The following ZMIZ1 variants were observed in gnomAD, a reference collection of about 807,000 sequenced individuals.
The protein encoded by ZMIZ1 is zinc finger MIZ domain-containing protein 1.
In ZMIZ1, 17 loss-of-function variants were observed where a neutral mutation model predicts 113.9. The observed-to-expected ratio is 0.15, with a 90% CI of 0.10 to 0.22. ZMIZ1 has a LOEUF of 0.22. Among genes scored for constraint, ZMIZ1 ranks in the 10% least tolerant of loss-of-function variants. The pLI is 1.00. For missense variants in ZMIZ1, 1,059 were observed against 1,477.8 expected (o/e 0.72, Z 4.65); for synonymous variants, 607 against 603.1 (o/e 1.01, Z -0.09).
intron 4 of ZMIZ1, among the ~76,000 whole-genome samples, chr10:79,179,792 C>G (rs761380717): frequency 1.3e-5 from 2 of 152,274 alleles, no homozygotes; most frequent in African/African-American, 2.4e-5. Flanking sequence ...GCCATGGCAA[C>G]AGCCATCTCA....
intron 1 of ZMIZ1, among the ~76,000 whole-genome samples, chr10:79,114,042 G>C (rs1269243222): frequency 1.3e-5 from 2 of 152,188 alleles, no homozygotes. Context: ...TTGCCTGCCG[G>C]ACTCCTACCC....
intron 1 of ZMIZ1, among the ~76,000 whole-genome samples, chr10:79,089,014 C>T (rs1487456573): frequency 6.6e-6 from 1 of 152,252 alleles, no homozygotes; most frequent in Admixed American, 6.5e-5. Flanking sequence ...CTACTCCCTA[C>T]GTGAGGCCAC....
At chr10:79,189,046 T>C (rs1847479594) in intron 4 of ZMIZ1, among the ~76,000 whole-genome samples, 1 of 152,162 alleles carries the variant, frequency 6.6e-6, no homozygotes, top group African/African-American at 2.4e-5. Context: ...TCTCCTGTCT[T>C]TATTAGAGAT....
intron 3 of ZMIZ1, among the ~76,000 whole-genome samples, chr10:79,142,139 A>G (rs1589327710): frequency 1.3e-5 from 2 of 152,146 alleles, no homozygotes; most frequent in South Asian, 2.1e-4. Flanking sequence ...GCCAGGGACA[A>G]TGGCCGGGGA....
chr10:79,182,393 G>T (rs183411188), intron 4 of ZMIZ1, among the ~76,000 whole-genome samples: 23 of 152,190 alleles, frequency 1.5e-4, no homozygotes, highest in Admixed American at 6.5e-4. Flanking sequence ...CTGGGTGACT[G>T]CAGACCCCCG....
chr10:79,116,642 G>A (rs1251699857), intron 1 of ZMIZ1, among the ~76,000 whole-genome samples: 1 of 152,150 alleles, frequency 6.6e-6, no homozygotes, highest in Non-Finnish European at 1.5e-5. Flanking sequence ...TGATTCAGTT[G>A]GGTGGAAAGC....
intron 7 of ZMIZ1, 76 bp downstream of exon 7, chr10:79,216,350 C>A: frequency 2.3e-6 from 3 of 1,302,426 alleles, no homozygotes; most frequent in African/African-American, 1.5e-5. Flanking sequence ...TGCCTGTTTG[C>A]TGCCCCTGCC....
In ZMIZ1 at chr10:79,113,666, C is replaced by G. The variant is rs144437566; in HGVS notation, c.-336-5249C>G. ...ATTCTATTCCCTTTTTCTAGAATGCCCTTTCCAACTCGTTGTCTGTGTGAT... is the reference window on the plus strand; with the variant it reads ...ATTCTATTCCCTTTTTCTAGAATGCGCTTTCCAACTCGTTGTCTGTGTGAT... On this transcript the variant is annotated intron_variant, in intron 1 of 24. Transcript: ENST00000334512. Among the ~76,000 whole-genome samples the G allele has an allele frequency of 2.6e-3, 400 of 152,296 alleles. 2 individuals carry two copies. Among genetic ancestry groups the G allele is most frequent in the African/African-American group, 9.2e-3 (383 of 41,552 alleles).
intron 2 of ZMIZ1, among the ~76,000 whole-genome samples, chr10:79,139,450 CTTATAT>C (rs557579487): frequency 7.1e-4 from 108 of 152,318 alleles, no homozygotes; most frequent in Admixed American, 3.1e-3. Flanking sequence ...AGAAACAAAA[CTTATAT>C]TTATATATTT....
At chr10:79,155,308 G>A (rs1178490943) in intron 3 of ZMIZ1, among the ~76,000 whole-genome samples, 5 of 152,178 alleles carry the variant, frequency 3.3e-5, no homozygotes, top group African/African-American at 7.2e-5. Context: ...GGGGCAGTCG[G>A]GACAGCTTTC....
intron 7 of ZMIZ1, among the ~76,000 whole-genome samples, chr10:79,268,624 A>G (rs183373460): frequency 6.6e-6 from 1 of 152,306 alleles, no homozygotes; most frequent in African/African-American, 2.4e-5. Flanking sequence ...GAAGCCCCCA[A>G]ATCCGATCGT....
At chr10:79,133,427 C>T (rs1844858416) in intron 2 of ZMIZ1, among the ~76,000 whole-genome samples, 1 of 152,206 alleles carries the variant, frequency 6.6e-6, no homozygotes, top group Non-Finnish European at 1.5e-5. Context: ...TCCCTTCCCT[C>T]TGCACCTCAG....
chr10:79,306,133 G>C lies in ZMIZ1; in HGVS notation c.2457G>C (p.Thr819=), dbSNP rs142258111. The change falls in exon 22 of 25, where the codon ACG becomes ACC. Residue 819 remains threonine (T), a synonymous_variant. Coordinates refer to ENST00000334512, the MANE Select transcript of ZMIZ1 (RefSeq NM_020338.4). ...TTGAAGAGGTCACCATCGATCCCAC[G>C]TGCAGCTGGCGGCCGGTGCCCATCA... is the stretch of plus-strand genomic sequence containing the variant. ...SEFEEVTIDP[T]CSWRPVPIKS... 13 of 1,613,812 alleles carry C rather than the reference G, an allele frequency of 8.1e-6. No homozygotes were observed. The highest frequency in any genetic ancestry group is 1.0e-5 in the Non-Finnish European group (12 of 1,180,010).
intron 8 of ZMIZ1, among the ~76,000 whole-genome samples, chr10:79,280,146 C>T (rs2131986506): frequency 6.6e-6 from 1 of 152,170 alleles, no homozygotes; most frequent in Middle Eastern, 3.4e-3. Context: ...CACCACCACC[C>T]ATGGCTAATT....
intron 7 of ZMIZ1, among the ~76,000 whole-genome samples, chr10:79,255,422 G>T (rs527750833): frequency 2.0e-5 from 3 of 152,364 alleles, no homozygotes; most frequent in Admixed American, 1.3e-4. Context: ...GTATGAGTAG[G>T]TAAGGGGGTT....
intron 2 of ZMIZ1, among the ~76,000 whole-genome samples, chr10:79,129,678 C>T (rs1844666771): frequency 1.3e-5 from 2 of 152,222 alleles, no homozygotes; most frequent in African/African-American, 2.4e-5. Flanking sequence ...CCTCAGTCTC[C>T]CTATTTGCAC....
At position 79,201,625 on chromosome 10, in the gene ZMIZ1, C is replaced by T. The variant is rs528261800; in HGVS notation, c.-8C>T. On this transcript the variant is annotated 5_prime_UTR_variant, in exon 5 of 25. It adds an upstream start codon to the 5' untranslated region. Transcript: ENST00000334512. ...GGCTCTCGGGTAGAACCTAGTGAAA[C>T]GGCCAGAATGAATTCTATGGACAGG... The T allele has an allele frequency of 1.5e-5, 25 of 1,613,418 alleles. No homozygotes were observed. Among genetic ancestry groups the T allele is most frequent in the East Asian group, 4.5e-5 (2 of 44,848 alleles).
intron 7 of ZMIZ1, among the ~76,000 whole-genome samples, chr10:79,263,979 T>C (rs1039092651): frequency 2.0e-5 from 3 of 152,062 alleles, no homozygotes; most frequent in African/African-American, 7.2e-5. Context: ...GGGAAGAAAT[T>C]GATTCACATA....
chr10:79,305,712 A>G, intron 21 of ZMIZ1, 111 bp downstream of exon 21: 1 of 1,091,126 alleles, frequency 9.2e-7, no homozygotes, highest in South Asian at 1.3e-5. Context: ...AGGCCAGCAG[A>G]CCGTGACCCA....
Sources: allele counts gnomAD v4.1 joint callset (sites outside exome capture counted in the v4.1 genomes callset), GRCh38; gene constraint gnomAD v4.1.1; transcripts MANE v1.5; gene names NCBI Gene and HGNC (gene_info 2026-07-23, HGNC 2026-07-21).